NSD1: variants seen among roughly 807,000 people sequenced by gnomAD.
The protein encoded by NSD1 is histone-lysine N-methyltransferase, H3 lysine-36 specific.
In NSD1, 26 loss-of-function variants were observed where a neutral mutation model predicts 242.7. The observed-to-expected ratio is 0.11, with a 90% CI of 0.08 to 0.15. The LOEUF is 0.15. Ranked by LOEUF, NSD1 falls within the 10% of genes least tolerant of loss-of-function variation. The probability of loss-of-function intolerance (pLI) is 1.00; values close to 1 mark genes in which losing one functional copy is unlikely to be tolerated. For synonymous variants in NSD1, 1,106 were observed against 1,178.1 expected (o/e 0.94, Z 1.25); for missense variants, 2,495 against 3,272.8 (o/e 0.76, Z 5.80).
chr5:177,273,313 A>AT (rs1758094074), intron 16 of NSD1, among the ~76,000 whole-genome samples: 2 of 696 alleles, frequency 2.9e-3, no homozygotes, highest in African/African-American at 0.018. Context: ...CTGATGAGCT[A>AT]AAAAAAAAAA....
chr5:177,266,463 G>A (rs966302537), intron 14 of NSD1: 14 of 618,324 alleles, frequency 2.3e-5, no homozygotes, highest in Admixed American at 6.9e-5. Context: ...TGGAGTTGCC[G>A]AAGTGGGCGT....
chr5:177,264,661 C>T, intron 14 of NSD1: 1 of 466,896 alleles, frequency 2.1e-6, no homozygotes. Flanking sequence ...CTGGCCCCAA[C>T]AAAAACAAAT....
rs970004484 is a variant in NSD1, at chr5:177,247,860, A to T, written c.4498-321A>T. 6 of 945,436 alleles carry T rather than the reference A, an allele frequency of 6.3e-6. No homozygotes were observed. The African/African-American group carries it at 1.1e-4, about 17-fold the overall frequency. 58.6% of individuals were successfully genotyped at this position (945,436 alleles called of 1,614,324 possible). A position where few individuals can be genotyped will look rare whatever the true frequency, so the allele number is the denominator to read the frequency against. ...TGCCCAAGAGGGGCATTATTTAGGA[A>T]ACACTGATCTTGGAAGGACAAATAA... On this transcript the variant is annotated intron_variant, in intron 10 of 22. Coordinates refer to ENST00000439151, the MANE Select transcript of NSD1 (RefSeq NM_022455.5).
chr5:177,230,778 G>T (rs180927781), intron 5 of NSD1, among the ~76,000 whole-genome samples: 1 of 149,430 alleles, frequency 6.7e-6, no homozygotes, highest in African/African-American at 2.5e-5. Flanking sequence ...TGTGAGCCGA[G>T]ATCACACCAC....
At chr5:177,213,402 A>G (rs190295590) in intron 5 of NSD1, among the ~76,000 whole-genome samples, 61 of 152,322 alleles carry the variant, frequency 4.0e-4, no homozygotes, top group South Asian at 6.2e-4. Flanking sequence ...AGTGCGATCA[A>G]TTGTGGAATA....
At chr5:177,213,617 G>A (rs1425566328) in intron 5 of NSD1, among the ~76,000 whole-genome samples, 2 of 152,130 alleles carry the variant, frequency 1.3e-5, no homozygotes, top group Non-Finnish European at 2.9e-5. Flanking sequence ...ACAGGCGCCC[G>A]CCACCACACC....
chr5:177,180,517 G>A (rs550861696), intron 2 of NSD1, among the ~76,000 whole-genome samples: 20 of 150,764 alleles, frequency 1.3e-4, no homozygotes, highest in Non-Finnish European at 2.7e-4. Flanking sequence ...CGGCCTCCCA[G>A]AGTTTTGGGA....
chr5:177,244,934 G>C (rs911507463), intron 9 of NSD1, among the ~76,000 whole-genome samples: 5 of 152,148 alleles, frequency 3.3e-5, no homozygotes, highest in Non-Finnish European at 7.3e-5. Flanking sequence ...ATATCAGGCC[G>C]TTCATGGTGG....
At chr5:177,267,462 T>C in intron 14 of NSD1, 100 bp from the exon 15 acceptor site, 1 of 983,258 alleles carries the variant, frequency 1.0e-6, no homozygotes, top group East Asian at 2.5e-5. Context: ...GTATATCTTT[T>C]AGTGAAGAGA....
intron 2 of NSD1, among the ~76,000 whole-genome samples, chr5:177,162,191 G>C (rs866512551): frequency 6.6e-6 from 1 of 151,764 alleles, no homozygotes; most frequent in Non-Finnish European, 1.5e-5. Context: ...CCAGCTACTC[G>C]GGAGGCTGAG....
At chr5:177,204,074 G>A (rs368843948) in intron 3 of NSD1, 46 bp from the exon 4 acceptor site, 2 of 1,568,300 alleles carry the variant, frequency 1.3e-6, no homozygotes, top group Non-Finnish European at 1.8e-6. Context: ...ATGATGAGAA[G>A]TAATTTCTTT....
chr5:177,143,935 GC>G (rs899460057), intron 2 of NSD1, among the ~76,000 whole-genome samples: 1 of 151,706 alleles, frequency 6.6e-6, no homozygotes, highest in Non-Finnish European at 1.5e-5. Flanking sequence ...ATAGGCATGC[GC>G]CACCATGCCC....
intron 3 of NSD1, among the ~76,000 whole-genome samples, chr5:177,200,901 T>C (rs980232202): frequency 1.4e-5 from 2 of 143,710 alleles, no homozygotes; most frequent in African/African-American, 5.4e-5. Flanking sequence ...GTTTTTGTAT[T>C]TTTTTTTTTT....
rs780155084 is a variant in NSD1, at chr5:177,294,016, G to T, written c.6648G>T (p.Gly2216=). 16 of 1,614,118 alleles carry T rather than the reference G, an allele frequency of 9.9e-6. No individual in the cohort carries two copies. The highest frequency in any genetic ancestry group is 1.4e-5 in the Non-Finnish European group (16 of 1,180,020). Reference sequence around the variant, plus strand: ...GTGGGCCCAATCCTCTGGAACCTGGGGAGATCCGTGAGTATGTGCCTCCCC... The same window carrying T: ...GTGGGCCCAATCCTCTGGAACCTGGTGAGATCCGTGAGTATGTGCCTCCCC... ...DPCGPNPLEP[G]EIREYVPPPV... The change falls in exon 23 of 23, where the codon GGG becomes GGT. Residue 2216 remains glycine (G), a synonymous_variant. Transcript: ENST00000439151.
At chr5:177,158,846 G>GCAAAAAC (rs1429897048) in intron 2 of NSD1, among the ~76,000 whole-genome samples, 2 of 118,060 alleles carry the variant, frequency 1.7e-5, no homozygotes, top group Admixed American at 7.9e-5. Context: ...GGAAGTAATG[G>GCAAAAAC]CAAAAACTGG....
At chr5:177,284,028 T>C (rs2127263387) in intron 20 of NSD1, 100 bp downstream of exon 20, 2 of 1,375,454 alleles carry the variant, frequency 1.5e-6, no homozygotes, top group Non-Finnish European at 2.1e-6. Flanking sequence ...CATTTCTATA[T>C]GTACCGTTCT....
intron 12 of NSD1, among the ~76,000 whole-genome samples, chr5:177,255,462 C>G (rs1264608313): frequency 6.6e-6 from 1 of 152,142 alleles, no homozygotes; most frequent in African/African-American, 2.4e-5. Context: ...CCAGCAATTA[C>G]CTGTAGGAGG....
rs763671807 is a variant in NSD1, at chr5:177,265,517, A to G, written c.5147-2045A>G. On this transcript the variant is annotated intron_variant, in intron 14 of 22. Coordinates refer to ENST00000439151, the MANE Select transcript of NSD1 (RefSeq NM_022455.5). Reference sequence around the variant, plus strand: ...AGAGAGAGGAAGGGGGAGCCCCACAACCGTCTAGGAATGCTCAGCCCCTGG... The same window carrying G: ...AGAGAGAGGAAGGGGGAGCCCCACAGCCGTCTAGGAATGCTCAGCCCCTGG... The G allele has an allele frequency of 3.2e-5, 23 of 716,874 alleles. No individual in the cohort carries two copies. The Admixed American group carries it at 3.5e-4, about 11-fold the overall frequency. 44.4% of individuals were successfully genotyped at this position (716,874 alleles called of 1,614,324 possible). A position where few individuals can be genotyped will look rare whatever the true frequency, so the allele number is the denominator to read the frequency against.
chr5:177,284,704 G>A (rs1189820706), intron 20 of NSD1, among the ~76,000 whole-genome samples: 1 of 152,218 alleles, frequency 6.6e-6, no homozygotes, highest in Admixed American at 6.5e-5. Flanking sequence ...TAGCTCTTCA[G>A]TCTCCTTTCT....
Sources: allele counts gnomAD v4.1 joint callset (sites outside exome capture counted in the v4.1 genomes callset), GRCh38; gene constraint gnomAD v4.1.1; transcripts MANE v1.5; gene names NCBI Gene and HGNC (gene_info 2026-07-23, HGNC 2026-07-21).